The following ADK variants were observed in gnomAD, a reference collection of about 807,000 sequenced individuals.
ADK encodes adenosine kinase.
In ADK, 24 loss-of-function variants were observed where a neutral mutation model predicts 44.7. The observed-to-expected ratio is 0.54, with a 90% CI of 0.39 to 0.76. The LOEUF (loss-of-function observed/expected upper bound fraction) is 0.76, where lower values mean the gene tolerates loss of function less well. ADK is among the 30% of genes least tolerant of loss of function. The pLI, the probability that ADK is intolerant of heterozygous loss-of-function variation, is 0.00. For synonymous variants in ADK, 128 were observed against 142.6 expected (o/e 0.90, Z 0.73); for missense variants, 321 against 425.1 (o/e 0.76, Z 2.15).
intron 4 of ADK, among the ~76,000 whole-genome samples, chr10:74,315,992 C>T (rs1056598780): frequency 2.6e-5 from 4 of 152,092 alleles, no homozygotes; most frequent in Admixed American, 6.5e-5. Flanking sequence ...AATCCCAGCA[C>T]TTTGGGAAGC....
At chr10:74,186,477 G>A (rs1223956773) in intron 1 of ADK, among the ~76,000 whole-genome samples, 2 of 151,692 alleles carry the variant, frequency 1.3e-5, no homozygotes, top group African/African-American at 2.4e-5. Flanking sequence ...CAATGCCGGG[G>A]GAGTGGGGTG....
chr10:74,281,703 G>A (rs1345853863), intron 3 of ADK, among the ~76,000 whole-genome samples: 2 of 152,178 alleles, frequency 1.3e-5, no homozygotes, highest in African/African-American at 4.8e-5. Context: ...AAAAAAATCT[G>A]AGTAAATACC....
rs1432127452 is a variant in ADK, at chr10:74,314,697, CG to C, written c.226del (p.Glu76AsnfsTer18). On this transcript the variant is annotated frameshift_variant, in exon 4 of 11. Transcript: ENST00000539909. LOFTEE classifies it high-confidence loss of function. ...ATGAACTTGTGAAAAAATTCAAAGTCGAATATCATGCTGGTGGCTCTACCCA... is the reference window on the plus strand; with the variant it reads ...ATGAACTTGTGAAAAAATTCAAAGTCAATATCATGCTGGTGGCTCTACCCA... ...FDELVKKFKV[E>X]YHAGGSTQNS... The C allele has an allele frequency of 6.2e-7, 1 of 1,612,784 alleles. No homozygotes were observed. The highest frequency in any genetic ancestry group is 1.3e-5 in the African/African-American group (1 of 74,872).
intron 6 of ADK, among the ~76,000 whole-genome samples, chr10:74,514,923 C>T (rs1300464929): frequency 6.6e-6 from 1 of 152,076 alleles, no homozygotes; most frequent in East Asian, 1.9e-4. Context: ...CTCGTATGCT[C>T]GAGTGATCCT....
intron 4 of ADK, among the ~76,000 whole-genome samples, chr10:74,376,076 A>T (rs1842813128): frequency 6.6e-6 from 1 of 152,022 alleles, no homozygotes; most frequent in African/African-American, 2.4e-5. Flanking sequence ...TGCCATAGGT[A>T]CTTGGATCCG....
At chr10:74,656,434 G>A (rs1360898258) in intron 9 of ADK, among the ~76,000 whole-genome samples, 5 of 152,180 alleles carry the variant, frequency 3.3e-5, no homozygotes, top group African/African-American at 4.8e-5. Flanking sequence ...CCTCCCAAGG[G>A]AGGAGGGAGG....
chr10:74,182,286 T>C (rs1470362033), intron 1 of ADK, among the ~76,000 whole-genome samples: 1 of 152,106 alleles, frequency 6.6e-6, no homozygotes, highest in African/African-American at 2.4e-5. Flanking sequence ...GAGAGGTAAG[T>C]GAGCTTTTAA....
chr10:74,630,901 TTTTG>T (rs1178718112), intron 9 of ADK, among the ~76,000 whole-genome samples: 30 of 142,842 alleles, frequency 2.1e-4, no homozygotes, highest in African/African-American at 6.6e-4. Context: ...TTTCCCCTTT[TTTTG>T]TTTATTAATT....
intron 4 of ADK, among the ~76,000 whole-genome samples, chr10:74,360,852 T>C (rs1423640091): frequency 1.3e-5 from 2 of 152,190 alleles, no homozygotes; most frequent in East Asian, 3.8e-4. Context: ...ATGAGTTTCT[T>C]GTAGGCAGCA....
intron 9 of ADK, among the ~76,000 whole-genome samples, chr10:74,642,243 G>C (rs1267057384): frequency 6.6e-6 from 1 of 151,704 alleles, no homozygotes; most frequent in Non-Finnish European, 1.5e-5. Flanking sequence ...AATTTTCTGA[G>C]ATCATTTTAT....
At chr10:74,249,422 T>G (rs1845561183) in intron 3 of ADK, among the ~76,000 whole-genome samples, 2 of 152,168 alleles carry the variant, frequency 1.3e-5, no homozygotes, top group African/African-American at 4.8e-5. Context: ...TCTCTGTATA[T>G]AGTTTATATC....
At chr10:74,404,615 T>A (rs1252075350) in intron 6 of ADK, among the ~76,000 whole-genome samples, 1 of 152,238 alleles carries the variant, frequency 6.6e-6, no homozygotes, top group African/African-American at 2.4e-5. Context: ...CTTGCATAGT[T>A]CTTGATAAGA....
At chr10:74,269,007 T>G (rs536353192) in intron 3 of ADK, among the ~76,000 whole-genome samples, 1 of 152,336 alleles carries the variant, frequency 6.6e-6, no homozygotes, top group East Asian at 1.9e-4. Flanking sequence ...GATGAATGAT[T>G]AAGTATGGCT....
chr10:74,491,683 T>C (rs1268077294), intron 6 of ADK, among the ~76,000 whole-genome samples: 2 of 152,232 alleles, frequency 1.3e-5, no homozygotes, highest in Admixed American at 1.3e-4. Context: ...TATATTTTGG[T>C]TTGTCTTACC....
At chr10:74,681,787 T>C (rs903533888) in intron 10 of ADK, among the ~76,000 whole-genome samples, 2 of 150,342 alleles carry the variant, frequency 1.3e-5, no homozygotes, top group African/African-American at 4.9e-5. Flanking sequence ...GAGGCAGAGG[T>C]TGCAGTAACC....
chr10:74,285,934 T>C (rs1275954487), intron 3 of ADK, among the ~76,000 whole-genome samples: 1 of 152,226 alleles, frequency 6.6e-6, no homozygotes, highest in Non-Finnish European at 1.5e-5. Context: ...ATATCCTTTA[T>C]TTCAGATTGA....
intron 6 of ADK, 149 bp from the exon 7 acceptor site, chr10:74,525,107 T>C (rs542571016): frequency 1.4e-6 from 1 of 733,206 alleles, no homozygotes. Context: ...TGATCAAATA[T>C]CCTTCCAGTC....
chr10:74,296,559 C>G (rs971573022), intron 3 of ADK, among the ~76,000 whole-genome samples: 2 of 151,670 alleles, frequency 1.3e-5, no homozygotes, highest in African/African-American at 4.8e-5. Context: ...TTGCTACAAC[C>G]TCTTTGAAGG....
intron 3 of ADK, among the ~76,000 whole-genome samples, chr10:74,231,771 A>G (rs1234781655): frequency 4.6e-5 from 7 of 150,596 alleles, no homozygotes; most frequent in Admixed American, 1.3e-4. Context: ...TGGCCAAGAA[A>G]AGTTTTTTTT....
Sources: allele counts gnomAD v4.1 joint callset (sites outside exome capture counted in the v4.1 genomes callset), GRCh38; gene constraint gnomAD v4.1.1; transcripts MANE v1.5; gene names NCBI Gene and HGNC (gene_info 2026-07-23, HGNC 2026-07-21).